Variants in RORA observed in about 807,000 individuals in gnomAD.
RORA encodes RAR related orphan receptor A, also known as nuclear receptor ROR-alpha.
In RORA, 7 loss-of-function variants were observed where a neutral mutation model predicts 69.5. The observed-to-expected ratio is 0.10, with a 90% confidence interval of 0.06 to 0.19. RORA has a LOEUF of 0.19. Ranked by LOEUF, RORA falls within the 10% of genes least tolerant of loss-of-function variation. The pLI is 1.00. For synonymous variants in RORA, 261 were observed against 240.8 expected (o/e 1.08, Z -0.78); for missense variants, 457 against 663.0 (o/e 0.69, Z 3.41).
At chr15:60,568,945 A>T (rs1255771408) in intron 2 of RORA, among the ~76,000 whole-genome samples, 1 of 2,502 alleles carries the variant, frequency 4.0e-4, no homozygotes, top group Admixed American at 1.1e-3. Context: ...GTTTTGCGCT[A>T]AAAAAAAAAA....
At chr15:61,204,426 G>C (rs1283960136) in intron 1 of RORA, among the ~76,000 whole-genome samples, 3 of 152,212 alleles carry the variant, frequency 2.0e-5, no homozygotes, top group Non-Finnish European at 4.4e-5. Flanking sequence ...AGGTATAAGG[G>C]AAAGCACATG....
chr15:60,749,657 T>C (rs140755093), intron 1 of RORA, among the ~76,000 whole-genome samples: 60 of 152,290 alleles, frequency 3.9e-4, no homozygotes, highest in East Asian at 1.5e-3. Flanking sequence ...CCAGGGGATA[T>C]GATGGAGAGA....
chr15:61,133,309 A>G (rs1470837431), intron 1 of RORA, among the ~76,000 whole-genome samples: 2 of 152,210 alleles, frequency 1.3e-5, no homozygotes, highest in Non-Finnish European at 2.9e-5. Flanking sequence ...GAGCCTTGTA[A>G]CCATGGAATA....
chr15:61,063,972 C>T (rs537378027), intron 1 of RORA, among the ~76,000 whole-genome samples: 25 of 152,252 alleles, frequency 1.6e-4, no homozygotes, highest in African/African-American at 4.8e-4. Flanking sequence ...ATCACCTTGC[C>T]GGGGCTCTTT....
chr15:60,685,323 T>C (rs2070726097), intron 1 of RORA, among the ~76,000 whole-genome samples: 1 of 152,190 alleles, frequency 6.6e-6, no homozygotes, highest in South Asian at 2.1e-4. Flanking sequence ...ACTTCCTCAT[T>C]GTGAGGCGCT....
intron 2 of RORA, among the ~76,000 whole-genome samples, chr15:60,659,207 G>A (rs1229850697): frequency 1.3e-5 from 2 of 152,194 alleles, no homozygotes; most frequent in African/African-American, 2.4e-5. Context: ...ATCCCCGGAG[G>A]GAAGATTGTT....
chr15:60,623,834 C>G (rs923166025), intron 2 of RORA, among the ~76,000 whole-genome samples: 9 of 151,738 alleles, frequency 5.9e-5, no homozygotes, highest in Non-Finnish European at 1.2e-4. Context: ...CATTTTTGAC[C>G]CAGGAGACGC....
chr15:60,799,568 C>T (rs1363115741), intron 1 of RORA, among the ~76,000 whole-genome samples: 1 of 152,150 alleles, frequency 6.6e-6, no homozygotes, highest in Non-Finnish European at 1.5e-5. Flanking sequence ...AATTTATAAA[C>T]TGCATTGGTC....
chr15:61,228,997 C>G (rs1178037836), intron 1 of RORA, 56 bp downstream of exon 1: 2 of 1,064,512 alleles, frequency 1.9e-6, no homozygotes, highest in Non-Finnish European at 2.3e-6. Context: ...CGGCCGCCCC[C>G]CGCTCCGCGC....
At chr15:61,025,560 G>A (rs1895766769) in intron 1 of RORA, among the ~76,000 whole-genome samples, 1 of 152,200 alleles carries the variant, frequency 6.6e-6, no homozygotes, top group African/African-American at 2.4e-5. Context: ...AAGGATAGAA[G>A]AGAATATAAG....
At chr15:61,050,766 C>A (rs1897253949) in intron 1 of RORA, among the ~76,000 whole-genome samples, 1 of 152,202 alleles carries the variant, frequency 6.6e-6, no homozygotes, top group Non-Finnish European at 1.5e-5. Context: ...GGCACCATCC[C>A]AGTTGCTTTC....
chr15:61,035,407 A>G (rs1896405853), intron 1 of RORA, among the ~76,000 whole-genome samples: 1 of 152,230 alleles, frequency 6.6e-6, no homozygotes, highest in African/African-American at 2.4e-5. Context: ...TCTAACGACA[A>G]TAAAGAACTA....
intron 1 of RORA, among the ~76,000 whole-genome samples, chr15:60,717,794 C>CTTTT (rs2071239539): frequency 9.6e-6 from 1 of 103,978 alleles, no homozygotes; most frequent in African/African-American, 3.6e-5. Flanking sequence ...TTTTCTTTTT[C>CTTTT]TCTTTTTTTT....
intron 1 of RORA, among the ~76,000 whole-genome samples, chr15:60,947,474 A>G (rs4465554): frequency 0.24 from 36,116 of 151,068 alleles, 4,647 homozygotes; most frequent in Non-Finnish European, 0.3. Flanking sequence ...GTGCTTTGTT[A>G]AACAGATGCT....
intron 1 of RORA, among the ~76,000 whole-genome samples, chr15:60,768,017 G>A (rs2072016187): frequency 1.3e-5 from 2 of 152,204 alleles, no homozygotes; most frequent in East Asian, 1.9e-4. Context: ...GGTGGCCTAT[G>A]GGTGGAGTTT....
At chr15:60,928,712 C>A (rs1219783096) in intron 1 of RORA, among the ~76,000 whole-genome samples, 1 of 152,184 alleles carries the variant, frequency 6.6e-6, no homozygotes, top group African/African-American at 2.4e-5. Context: ...TAAAGTCCCA[C>A]AGCATGTTCA....
intron 2 of RORA, among the ~76,000 whole-genome samples, chr15:60,611,733 C>A (rs1199596428): frequency 6.6e-6 from 1 of 151,968 alleles, no homozygotes; most frequent in African/African-American, 2.4e-5. Flanking sequence ...ATGGAGAGAC[C>A]CGCCTTTCTG....
At chr15:61,222,925 G>T (rs1370348484) in intron 1 of RORA, among the ~76,000 whole-genome samples, 1 of 152,132 alleles carries the variant, frequency 6.6e-6, no homozygotes, top group Non-Finnish European at 1.5e-5. Context: ...GGACTACCTG[G>T]AGTTTCTGTC....
At chr15:60,764,328 C>T (rs899213679) in intron 1 of RORA, among the ~76,000 whole-genome samples, 2 of 151,780 alleles carry the variant, frequency 1.3e-5, no homozygotes, top group Non-Finnish European at 2.9e-5. Context: ...TGACCTTGGG[C>T]GAGTCTTTGA....
Sources: gnomAD v4.1 joint callset for allele counts (sites outside exome capture counted in the v4.1 genomes callset) on GRCh38, gnomAD v4.1.1 for gene constraint, MANE v1.5 for transcripts, NCBI Gene and HGNC (gene_info 2026-07-23, HGNC 2026-07-21) for gene names.